Variants in WDR7 observed in about 807,000 individuals in gnomAD.
The protein encoded by WDR7 is WD repeat domain 7, also known as WD repeat-containing protein 7.
WDR7 carries 46 observed loss-of-function variants against 169.4 expected under a neutral mutation model. That is an observed-to-expected ratio of 0.27 (90% CI 0.21 to 0.35). The LOEUF (loss-of-function observed/expected upper bound fraction) is 0.35. Among genes scored for constraint, WDR7 ranks in the 10% least tolerant of loss-of-function variants. The pLI is 1.00. For missense variants in WDR7, 1,534 were observed against 1,859.3 expected, an observed-to-expected ratio of 0.83 and a Z score of 3.22; for synonymous variants, 612 against 666.8, an observed-to-expected ratio of 0.92 and a Z score of 1.27.
intron 26 of WDR7, among the ~76,000 whole-genome samples, chr18:56,989,474 T>A (rs763064744): frequency 2.6e-5 from 4 of 152,210 alleles, no homozygotes; most frequent in Non-Finnish European, 5.9e-5. Flanking sequence ...TTATAGAGAT[T>A]TAAAATTCTT....
chr18:56,752,241 A>G (rs1017944177), intron 14 of WDR7, among the ~76,000 whole-genome samples: 7 of 152,194 alleles, frequency 4.6e-5, no homozygotes, highest in African/African-American at 1.7e-4. Context: ...GGATAAAGCC[A>G]TGCCTTGCAT....
chr18:56,967,986 A>C (rs931103994), intron 26 of WDR7, among the ~76,000 whole-genome samples: 1 of 152,200 alleles, frequency 6.6e-6, no homozygotes, highest in East Asian at 1.9e-4. Flanking sequence ...AATATTTTCC[A>C]TCAGCAGTTG....
chr18:56,859,663 G>A (rs780026223), intron 20 of WDR7, among the ~76,000 whole-genome samples: 23 of 152,084 alleles, frequency 1.5e-4, no homozygotes, highest in Admixed American at 1.2e-3. Flanking sequence ...TGAGTAAAAC[G>A]AAATAATTTC....
At chr18:56,914,492 G>C (rs958475673) in intron 21 of WDR7, among the ~76,000 whole-genome samples, 8 of 152,276 alleles carry the variant, frequency 5.3e-5, no homozygotes, top group African/African-American at 1.9e-4. Context: ...GCTAATAGGT[G>C]CTCGAGCTAG....
chr18:56,965,750 C>G (rs1160138618), intron 26 of WDR7, among the ~76,000 whole-genome samples: 1 of 151,966 alleles, frequency 6.6e-6, no homozygotes, highest in Non-Finnish European at 1.5e-5. Context: ...TTTGCTAACC[C>G]CTACCTGAAA....
chr18:57,019,765 A>G (rs1169639940), intron 26 of WDR7, among the ~76,000 whole-genome samples: 2 of 152,146 alleles, frequency 1.3e-5, no homozygotes, highest in Non-Finnish European at 2.9e-5. Context: ...CTCAGGGCTC[A>G]CAATTCTTTA....
At chr18:56,906,069 C>T (rs1310758755) in intron 21 of WDR7, among the ~76,000 whole-genome samples, 1 of 152,084 alleles carries the variant, frequency 6.6e-6, no homozygotes, top group Non-Finnish European at 1.5e-5. Flanking sequence ...TGGACCTGGG[C>T]AATCACTCCT....
chr18:56,830,954 T>C (rs778811648), intron 20 of WDR7, among the ~76,000 whole-genome samples: 9 of 152,110 alleles, frequency 5.9e-5, no homozygotes, highest in Non-Finnish European at 1.3e-4. Context: ...TAGCACACTT[T>C]TTACTGATAT....
intron 21 of WDR7, among the ~76,000 whole-genome samples, chr18:56,922,109 T>G (rs1394682977): frequency 2.0e-5 from 3 of 152,218 alleles, no homozygotes; most frequent in Non-Finnish European, 4.4e-5. Context: ...GGAGTTTTTC[T>G]GTAGCTCTTA....
intron 26 of WDR7, among the ~76,000 whole-genome samples, chr18:57,014,973 G>A (rs2048187386): frequency 6.6e-6 from 1 of 152,138 alleles, no homozygotes; most frequent in South Asian, 2.1e-4. Context: ...CTCTACTGAG[G>A]CCAGGACCAG....
rs146735261 is a variant in WDR7, at chr18:56,928,307, AAAT to A, written c.3713+4206_3713+4208del. 4.9e-3 allele frequency among the ~76,000 whole-genome samples: 744 copies of A among 152,078 alleles called. 7 individuals carry two copies. The highest frequency in any genetic ancestry group is 0.017 in the African/African-American group (711 of 41,458). On this transcript the variant is annotated intron_variant, in intron 22 of 27. Coordinates refer to ENST00000254442, the MANE Select transcript of WDR7 (RefSeq NM_015285.3). ...AGCGAGACCCCGTCTCTACAAACAA[AAAT>A]AATAATTACCTGGGCATGGTGCCGT...
chr18:56,891,935 A>G (rs971563819), intron 21 of WDR7, among the ~76,000 whole-genome samples: 1 of 152,052 alleles, frequency 6.6e-6, no homozygotes, highest in African/African-American at 2.4e-5. Context: ...TACTAAGTTC[A>G]GATTGGATGG....
chr18:56,743,527 A>C (rs1337265833), intron 14 of WDR7, among the ~76,000 whole-genome samples: 2 of 152,204 alleles, frequency 1.3e-5, no homozygotes, highest in African/African-American at 4.8e-5. Context: ...TGTCAAATGC[A>C]GTAGATGTTG....
chr18:56,687,302 G>A (rs184686745), intron 7 of WDR7, among the ~76,000 whole-genome samples: 1 of 152,242 alleles, frequency 6.6e-6, no homozygotes, highest in Admixed American at 6.5e-5. Flanking sequence ...TTCTTTGTAG[G>A]GTGTTATTAA....
rs376014796 is a variant in WDR7, at chr18:56,816,066, A to C, written c.3226A>C (p.Thr1076Pro). 1.5e-5 allele frequency: 24 copies of C among 1,613,444 alleles called. No individual in the cohort carries two copies. The highest frequency in any genetic ancestry group is 1.6e-4 in the Middle Eastern group (1 of 6,080). Residue 1076 changes from threonine (T) to proline (P), a missense_variant, in exon 20 of 28, where the codon ACG becomes CCG. Coordinates refer to ENST00000254442, the MANE Select transcript of WDR7 (RefSeq NM_015285.3). ...ATCAGAAGCCGCGCAGACTATCACC[A>C]CGGCTCCTGATGCCTCAGGGCCTGA... is the stretch of plus-strand genomic sequence containing the variant. The part of the protein sequence containing the change: ...VTSEAAQTIT[T>P]APDASGPEAK...
At chr18:56,757,410 T>C in intron 15 of WDR7, 58 bp downstream of exon 15, 1 of 1,463,716 alleles carries the variant, frequency 6.8e-7, no homozygotes, top group Non-Finnish European at 9.1e-7. Flanking sequence ...ACCTGTTTTA[T>C]TTTTTCATTG....
intron 19 of WDR7, among the ~76,000 whole-genome samples, chr18:56,785,036 C>T (rs1050746880): frequency 1.3e-5 from 2 of 151,860 alleles, no homozygotes; most frequent in African/African-American, 2.4e-5. Flanking sequence ...GTGTTAAACT[C>T]GTTTTAGTTT....
chr18:56,799,721 A>C (rs1194809204), intron 19 of WDR7, among the ~76,000 whole-genome samples: 1 of 152,186 alleles, frequency 6.6e-6, no homozygotes, highest in Non-Finnish European at 1.5e-5. Context: ...ACAGAATTAA[A>C]CACATTTTTA....
At chr18:56,718,459 A>C (rs1157569200) in intron 13 of WDR7, among the ~76,000 whole-genome samples, 2 of 152,228 alleles carry the variant, frequency 1.3e-5, no homozygotes, top group African/African-American at 2.4e-5. Context: ...AAGAAGAAGA[A>C]ATCATTTTTA....
Sources: allele counts gnomAD v4.1 joint callset (sites outside exome capture counted in the v4.1 genomes callset), GRCh38; gene constraint gnomAD v4.1.1; transcripts MANE v1.5; gene names NCBI Gene and HGNC (gene_info 2026-07-23, HGNC 2026-07-21).